The following IL15 variants were observed in gnomAD, a reference collection of about 807,000 sequenced individuals.
IL15 encodes interleukin-15.
IL15 carries 11 observed loss-of-function variants against 19.6 expected under a neutral mutation model. That is an observed-to-expected ratio of 0.56 (90% confidence interval 0.35 to 0.93). IL15 has a LOEUF of 0.93. Among genes scored for constraint, IL15 ranks in the 40% least tolerant of loss-of-function variants. IL15 has a pLI of 0.01. For synonymous variants in IL15, 58 were observed against 59.6 expected (o/e 0.97, Z 0.12); for missense variants, 197 against 186.5 (o/e 1.06, Z -0.33).
intron 2 of IL15, among the ~76,000 whole-genome samples, chr4:141,687,104 G>T (rs1202352748): frequency 6.6e-6 from 1 of 152,182 alleles, no homozygotes; most frequent in Non-Finnish European, 1.5e-5. Context: ...TTGTTTGGAA[G>T]GAAGCCTTAG....
chr4:141,686,589 GTTA>G (rs1728721170), intron 2 of IL15, among the ~76,000 whole-genome samples: 1 of 152,102 alleles, frequency 6.6e-6, no homozygotes, highest in Non-Finnish European at 1.5e-5. Context: ...ACCTCATACG[GTTA>G]TTGTGAGCGT....
chr4:141,686,270 G>A (rs1728708563), intron 2 of IL15, among the ~76,000 whole-genome samples: 1 of 149,952 alleles, frequency 6.7e-6, no homozygotes, highest in Admixed American at 6.7e-5. Context: ...ACTCCAGCCT[G>A]GGCAACAAGA....
chr4:141,689,898 T>C (rs1441560035), intron 2 of IL15, among the ~76,000 whole-genome samples: 2 of 152,012 alleles, frequency 1.3e-5, no homozygotes, highest in Non-Finnish European at 2.9e-5. Context: ...CTGGGCGCCG[T>C]GGAGCAGGGG....
intron 3 of IL15, 51 bp downstream of exon 3, chr4:141,719,527 G>C (rs764936232): frequency 1.5e-6 from 2 of 1,347,026 alleles, no homozygotes; most frequent in Non-Finnish European, 2.1e-6. Flanking sequence ...CTTAAAGGTC[G>C]TCTGAATCTC....
chr4:141,717,572 G>C (rs1025530753), intron 2 of IL15: 2 of 152,532 alleles, frequency 1.3e-5, no homozygotes, highest in Middle Eastern at 3.4e-3. Context: ...TGAGCCAAAT[G>C]AGCTTGTGTC....
intron 2 of IL15, among the ~76,000 whole-genome samples, chr4:141,684,491 C>T (rs1728644195): frequency 6.6e-6 from 1 of 152,222 alleles, no homozygotes; most frequent in Admixed American, 6.5e-5. Context: ...CAAATCATAT[C>T]AGATTCCTCC....
chr4:141,713,040 T>G (rs915001328), intron 2 of IL15, among the ~76,000 whole-genome samples: 1 of 152,130 alleles, frequency 6.6e-6, no homozygotes, highest in Admixed American at 6.6e-5. Flanking sequence ...TATGAATGAA[T>G]TTTTAAAAAT....
chr4:141,721,702 T>C (rs1013013962), intron 4 of IL15: 2 of 559,180 alleles, frequency 3.6e-6, no homozygotes, highest in Non-Finnish European at 6.4e-6. Flanking sequence ...GGCTTTTCTC[T>C]AATCCGGGTT....
chr4:141,639,528 G>A (rs1726973861), intron 1 of IL15, among the ~76,000 whole-genome samples: 1 of 152,212 alleles, frequency 6.6e-6, no homozygotes, highest in African/African-American at 2.4e-5. Context: ...GTAGGCAAAT[G>A]TGGATTGATC....
chr4:141,685,007 A>G (rs1728664475), intron 2 of IL15, among the ~76,000 whole-genome samples: 1 of 152,020 alleles, frequency 6.6e-6, no homozygotes, highest in Non-Finnish European at 1.5e-5. Context: ...AGTCAAAACC[A>G]AGTAGGGAAT....
chr4:141,721,751 CTATATGCTCAA>C, intron 4 of IL15, 162 bp from the exon 5 acceptor site: 1 of 635,652 alleles, frequency 1.6e-6, no homozygotes, highest in South Asian at 2.0e-5. Flanking sequence ...CAAAATTGTA[CTATATGCTCAA>C]TGTTTATGTT....
intron 1 of IL15, among the ~76,000 whole-genome samples, chr4:141,651,142 G>A (rs763675042): frequency 7.3e-5 from 11 of 151,620 alleles, no homozygotes; most frequent in African/African-American, 9.7e-5. Flanking sequence ...CACAGTGTGC[G>A]TGTGTGTATA....
At chr4:141,669,916 C>T (rs771551111) in intron 2 of IL15, among the ~76,000 whole-genome samples, 2 of 151,148 alleles carry the variant, frequency 1.3e-5, no homozygotes, top group Non-Finnish European at 2.9e-5. Flanking sequence ...TAATGTTCAC[C>T]GTGTGGATAA....
intron 2 of IL15, chr4:141,716,840 T>G (rs1729903417): frequency 6.6e-6 from 1 of 152,100 alleles, no homozygotes; most frequent in Non-Finnish European, 1.5e-5. Flanking sequence ...GAATATGGAG[T>G]GAAAGGAAAT....
intron 1 of IL15, among the ~76,000 whole-genome samples, chr4:141,641,830 T>TA (rs1381125855): frequency 4.0e-5 from 6 of 151,464 alleles, no homozygotes; most frequent in Admixed American, 6.6e-5. Flanking sequence ...CCCTAGAACT[T>TA]AAAGTATAAT....
At chr4:141,717,862 T>C (rs1251925077) in intron 2 of IL15, 1 of 152,146 alleles carries the variant, frequency 6.6e-6, no homozygotes, top group African/African-American at 2.4e-5. Flanking sequence ...GGTTTCACCA[T>C]GTTGGTCAGG....
chr4:141,707,309 T>C (rs1481226982), intron 2 of IL15, among the ~76,000 whole-genome samples: 3 of 152,122 alleles, frequency 2.0e-5, no homozygotes, highest in African/African-American at 7.2e-5. Context: ...TTCCAATTAT[T>C]GATTGTTTGT....
intron 2 of IL15, among the ~76,000 whole-genome samples, chr4:141,684,808 G>A (rs1728657172): frequency 1.3e-5 from 2 of 152,066 alleles, no homozygotes; most frequent in African/African-American, 4.8e-5. Flanking sequence ...CAAATATTGA[G>A]TGTCTTCTAT....
At chr4:141,705,882 T>C (rs188161467) in intron 2 of IL15, among the ~76,000 whole-genome samples, 1 of 152,140 alleles carries the variant, frequency 6.6e-6, no homozygotes, top group East Asian at 1.9e-4. Flanking sequence ...TTATCTGATA[T>C]AAGTATGGCT....
Sources: gnomAD v4.1 joint callset for allele counts (sites outside exome capture counted in the v4.1 genomes callset) on GRCh38, gnomAD v4.1.1 for gene constraint, MANE v1.5 for transcripts, NCBI Gene and HGNC (gene_info 2026-07-23, HGNC 2026-07-21) for gene names.